The following EPHA7 variants were observed in gnomAD, a reference collection of about 807,000 sequenced individuals.
EPHA7 encodes EPH receptor A7.
A neutral mutation model predicts 112.6 loss-of-function variants in EPHA7; 25 were observed. The observed-to-expected ratio is 0.22, with a 90% CI of 0.16 to 0.31. The LOEUF is 0.31. EPHA7 is among the 10% of genes least tolerant of loss of function. EPHA7 has a pLI of 1.00. For synonymous variants in EPHA7, 437 were observed against 406.5 expected, an observed-to-expected ratio of 1.07 and a Z score of -0.90; for missense variants, 962 against 1,212.6, an observed-to-expected ratio of 0.79 and a Z score of 3.07.
At chr6:93,358,469 A>C in intron 3 of EPHA7, 58 bp from the exon 4 acceptor site, 1 of 1,440,714 alleles carries the variant, frequency 6.9e-7, no homozygotes, top group Non-Finnish European at 9.4e-7. Flanking sequence ...TCTTTAAAAA[A>C]AAATTGTATT....
At chr6:93,268,480 A>C (rs1328664096) in intron 7 of EPHA7, among the ~76,000 whole-genome samples, 1 of 151,818 alleles carries the variant, frequency 6.6e-6, no homozygotes. Context: ...AAATATTTTT[A>C]ATTGAGAAAA....
rs531520493 is a variant in EPHA7, at chr6:93,316,416, G to A, written c.1324+40301C>T. 1.6e-3 allele frequency among the ~76,000 whole-genome samples: 242 copies of A among 152,160 alleles called. 1 individual carries two copies. The highest frequency in any genetic ancestry group is 2.6e-3 in the Non-Finnish European group (174 of 67,964). ...AGAATCAACCTGAAAATATTTAGGA[G>A]TTTTCCCTGTGAGGTTACATATGTT... On this transcript the variant is annotated intron_variant, in intron 5 of 16. Coordinates refer to ENST00000369303, the MANE Select transcript of EPHA7 (RefSeq NM_004440.4).
Position 93,389,844 on chromosome 6 carries a change from T to A in EPHA7, c.832+20657A>T, listed in dbSNP as rs1183581674. On this transcript the variant is annotated intron_variant, in intron 3 of 16. Transcript: ENST00000369303. ...GGGACTAGAGAAAGAAAAAACTTTC[T>A]TACAGAATAAAACAATAAATACAGA... Among the ~76,000 whole-genome samples the A allele has an allele frequency of 2.6e-5, 4 of 151,930 alleles. No individual in the cohort carries two copies. In the East Asian group the frequency reaches 7.7e-4, roughly 29 times the overall value.
chr6:93,296,460 T>C (rs1436827530), intron 5 of EPHA7, among the ~76,000 whole-genome samples: 1 of 136,776 alleles, frequency 7.3e-6, no homozygotes, highest in Non-Finnish European at 1.5e-5. Flanking sequence ...TATAAATATA[T>C]ATATATGTAT....
At chr6:93,337,447 T>C (rs1774930191) in intron 5 of EPHA7, among the ~76,000 whole-genome samples, 1 of 152,148 alleles carries the variant, frequency 6.6e-6, no homozygotes, top group Admixed American at 6.6e-5. Flanking sequence ...AAAAAGTACT[T>C]GTATAAACAT....
intron 5 of EPHA7, among the ~76,000 whole-genome samples, chr6:93,281,111 T>A (rs1458117776): frequency 6.6e-6 from 1 of 152,130 alleles, no homozygotes; most frequent in Non-Finnish European, 1.5e-5. Context: ...TTTCAGTAAA[T>A]AATCCATTTG....
intron 4 of EPHA7, among the ~76,000 whole-genome samples, chr6:93,357,915 C>T (rs1219791685): frequency 6.6e-6 from 1 of 152,152 alleles, no homozygotes; most frequent in East Asian, 1.9e-4. Context: ...CCGCCTTGGC[C>T]TCCCAAAGTG....
chr6:93,308,136 G>C (rs145420730), intron 5 of EPHA7, among the ~76,000 whole-genome samples: 173 of 152,240 alleles, frequency 1.1e-3, no homozygotes, highest in African/African-American at 3.9e-3. Flanking sequence ...TGTATCTCAT[G>C]AGATGCTGAC....
Position 93,411,171 on chromosome 6 carries a change from CTG to C in EPHA7, c.163-3_163-2del. The C allele has an allele frequency of 6.3e-7, 1 of 1,597,076 alleles. No homozygotes were observed. On this transcript the variant is annotated splice_acceptor_variant and splice_polypyrimidine_tract_variant and intron_variant, in intron 2 of 16. Coordinates refer to ENST00000369303, the MANE Select transcript of EPHA7 (RefSeq NM_004440.4). LOFTEE classifies it high-confidence loss of function. ...CATCCAAACCACTAATTTCTTCCCA[CTG>C]TAAAATTTGAAAAAAGGTCATCAGT...
chr6:93,286,763 T>C (rs1213801416), intron 5 of EPHA7, among the ~76,000 whole-genome samples: 1 of 152,090 alleles, frequency 6.6e-6, no homozygotes, highest in African/African-American at 2.4e-5. Flanking sequence ...GAAAAATATT[T>C]TTTGCTTGTA....
intron 3 of EPHA7, among the ~76,000 whole-genome samples, chr6:93,399,045 G>C (rs892464055): frequency 6.6e-6 from 1 of 152,030 alleles, no homozygotes; most frequent in Non-Finnish European, 1.5e-5. Flanking sequence ...ATTGCAGAAG[G>C]GTGATTGCCC....
At chr6:93,280,527 T>G (rs1027834877) in intron 5 of EPHA7, among the ~76,000 whole-genome samples, 3 of 152,188 alleles carry the variant, frequency 2.0e-5, no homozygotes, top group Admixed American at 6.5e-5. Context: ...TGTCATTCAA[T>G]TATGTTATAC....
At chr6:93,383,946 G>A (rs557039952) in intron 3 of EPHA7, among the ~76,000 whole-genome samples, 28 of 152,022 alleles carry the variant, frequency 1.8e-4, no homozygotes, top group Non-Finnish European at 3.7e-4. Context: ...CCTCAGCCCC[G>A]CAAAGTGCTG....
At chr6:93,249,703 T>A (rs1157328929) in intron 14 of EPHA7, among the ~76,000 whole-genome samples, 2 of 152,178 alleles carry the variant, frequency 1.3e-5, no homozygotes, top group African/African-American at 4.8e-5. Flanking sequence ...TCAGGTGTCC[T>A]GAAAGGAACA....
chr6:93,271,026 T>C (rs1771192597), intron 6 of EPHA7, among the ~76,000 whole-genome samples: 1 of 151,786 alleles, frequency 6.6e-6, no homozygotes. Flanking sequence ...ACCACCTATG[T>C]GTTTCATTGC....
intron 3 of EPHA7, among the ~76,000 whole-genome samples, chr6:93,389,384 A>G (rs2127979424): frequency 6.6e-6 from 1 of 152,176 alleles, no homozygotes; most frequent in Non-Finnish European, 1.5e-5. Context: ...AGGTCTTGAG[A>G]GATTAAATAG....
chr6:93,328,170 C>T (rs1035311428), intron 5 of EPHA7, among the ~76,000 whole-genome samples: 6 of 151,476 alleles, frequency 4.0e-5, no homozygotes, highest in African/African-American at 1.2e-4. Context: ...TTTATTCAAA[C>T]GTCATTCCAA....
chr6:93,332,012 A>G (rs1582536674), intron 5 of EPHA7, among the ~76,000 whole-genome samples: 3 of 151,756 alleles, frequency 2.0e-5, no homozygotes, highest in African/African-American at 7.2e-5. Flanking sequence ...ACTGCTACAC[A>G]CCTGACATTG....
At chr6:93,385,778 A>G (rs1777571298) in intron 3 of EPHA7, among the ~76,000 whole-genome samples, 1 of 152,186 alleles carries the variant, frequency 6.6e-6, no homozygotes, top group South Asian at 2.1e-4. Flanking sequence ...ACTGCTGTGA[A>G]GAAATACACA....
Sources: gnomAD v4.1 joint callset for allele counts (sites outside exome capture counted in the v4.1 genomes callset) on GRCh38, gnomAD v4.1.1 for gene constraint, MANE v1.5 for transcripts, NCBI Gene and HGNC (gene_info 2026-07-23, HGNC 2026-07-21) for gene names.